EDC3: variants seen among roughly 807,000 people sequenced by gnomAD.
EDC3 encodes the protein enhancer of mRNA-decapping protein 3.
EDC3 carries 20 observed loss-of-function variants against 41.8 expected under a neutral mutation model. The observed-to-expected ratio is 0.48, with a 90% CI of 0.34 to 0.70. The LOEUF is 0.70. Among genes scored for constraint, EDC3 ranks in the 30% least tolerant of loss-of-function variants. The probability of loss-of-function intolerance (pLI) is 0.01; values close to 1 mark genes in which losing one functional copy is unlikely to be tolerated. For missense variants in EDC3, 444 were observed against 636.8 expected (o/e 0.70, Z 3.26); for synonymous variants, 206 against 243.2 (o/e 0.85, Z 1.42).
intron 1 of EDC3, among the ~76,000 whole-genome samples, chr15:74,691,782 C>T (rs951904099): frequency 6.6e-6 from 1 of 152,112 alleles, no homozygotes; most frequent in South Asian, 2.1e-4. Context: ...CACAACTACA[C>T]AAAAATACTT....
rs970775034 is a variant in EDC3 at position 74,632,596 on chromosome 15, C to T, written c.*16G>A. Reference sequence around the variant, plus strand: ...AGCAGCAGGGGACAGCAGAGTCCTGCCTGCGCAGGAACCCTCTAAGCAGAG... The same window carrying T: ...AGCAGCAGGGGACAGCAGAGTCCTGTCTGCGCAGGAACCCTCTAAGCAGAG... On this transcript the variant is annotated 3_prime_UTR_variant, in exon 7 of 7. Coordinates refer to ENST00000315127, the MANE Select transcript of EDC3 (RefSeq NM_025083.5). The surrounding 1 kb of genome is among the most constrained non-coding windows in gnomAD (Gnocchi z 4.0). 3 of 1,607,482 alleles carry T rather than the reference C, an allele frequency of 1.9e-6. No individual in the cohort carries two copies. The highest frequency in any genetic ancestry group is 2.6e-6 in the Non-Finnish European group (3 of 1,175,566).
At position 74,640,562 on chromosome 15, in the gene EDC3, A is replaced by G. The variant is rs767635922; in HGVS notation, c.878T>C (p.Val293Ala). The G allele has an allele frequency of 1.2e-6, 2 of 1,614,222 alleles. No homozygotes were observed. Among genetic ancestry groups the G allele is most frequent in the South Asian group, 1.1e-5 (1 of 91,084 alleles). Residue 293 changes from valine (V) to alanine (A), a missense_variant, in exon 5 of 7, where the codon GTG becomes GCG. Around this residue, in one of 3 missense-constraint regions of EDC3, gnomAD observed 242 missense variants for 363.8 expected, o/e 0.67. Coordinates refer to ENST00000315127, the MANE Select transcript of EDC3 (RefSeq NM_025083.5). ...AAGGGTCAGCCCATGCTTCTCAGCC[A>G]CGGACAACAGCTTTTTATGCAGCTC... ...SYELHKKLLS[V>A]AEKHGLTLER...
intron 1 of EDC3, among the ~76,000 whole-genome samples, chr15:74,690,741 G>A (rs753028413): frequency 2.6e-5 from 4 of 152,152 alleles, no homozygotes; most frequent in Non-Finnish European, 4.4e-5. Context: ...GAGGCCAGGA[G>A]TTTCAGACCA....
At chr15:74,687,960 T>C (rs1486525574) in intron 1 of EDC3, among the ~76,000 whole-genome samples, 1 of 152,228 alleles carries the variant, frequency 6.6e-6, no homozygotes, top group South Asian at 2.1e-4. Flanking sequence ...CAAGTTTATA[T>C]TATGGTAGTA....
intron 4 of EDC3, among the ~76,000 whole-genome samples, chr15:74,651,900 C>T (rs2062484819): frequency 6.6e-6 from 1 of 152,188 alleles, no homozygotes; most frequent in South Asian, 2.1e-4. Context: ...TCAGCCTAGC[C>T]TACCTTAAAC....
intron 4 of EDC3, among the ~76,000 whole-genome samples, chr15:74,652,406 T>G (rs752190442): frequency 4.0e-4 from 60 of 151,762 alleles, no homozygotes; most frequent in Non-Finnish European, 8.8e-5. Context: ...TTTTTTGTAT[T>G]TTTAGTAGAG....
chr15:74,633,123 T>C (rs1265327751), intron 6 of EDC3, among the ~76,000 whole-genome samples, 177 bp from the exon 7 acceptor site: 1 of 152,224 alleles, frequency 6.6e-6, no homozygotes, highest in Admixed American at 6.5e-5. Context: ...AGTTGCAAGC[T>C]GGCTGGGCTG....
At chr15:74,667,292 T>C (rs999089380) in intron 3 of EDC3, among the ~76,000 whole-genome samples, 1 of 152,078 alleles carries the variant, frequency 6.6e-6, no homozygotes, top group East Asian at 1.9e-4. Flanking sequence ...TAAATATGTA[T>C]ATATATGCTG....
intron 5 of EDC3, chr15:74,640,228 T>G (rs1016846281): frequency 2.0e-6 from 1 of 496,036 alleles, no homozygotes; most frequent in African/African-American, 2.0e-5. Context: ...ATGGCTGCTA[T>G]CAGGAGAGAG....
intron 1 of EDC3, among the ~76,000 whole-genome samples, chr15:74,681,130 GAAAGGC>G (rs2141668722): frequency 6.6e-6 from 1 of 152,250 alleles, no homozygotes; most frequent in Non-Finnish European, 1.5e-5. Context: ...AATTTACAAG[GAAAGGC>G]AAAGAAACTA....
At chr15:74,660,264 CATG>C (rs1285676032) in intron 3 of EDC3, among the ~76,000 whole-genome samples, 1 of 151,286 alleles carries the variant, frequency 6.6e-6, no homozygotes, top group African/African-American at 2.4e-5. Flanking sequence ...ACTAGCCAGG[CATG>C]GTGGTGTGCA....
intron 5 of EDC3, chr15:74,637,559 C>T (rs2062289133): frequency 6.6e-6 from 1 of 152,106 alleles, no homozygotes; most frequent in Non-Finnish European, 1.5e-5. Flanking sequence ...AGGCCTAAAT[C>T]AAAGAAAAAG....
At chr15:74,690,104 T>C (rs1003075455) in intron 1 of EDC3, among the ~76,000 whole-genome samples, 4 of 152,200 alleles carry the variant, frequency 2.6e-5, no homozygotes, top group African/African-American at 7.2e-5. Flanking sequence ...ATGTTAAATA[T>C]TTCAAAAAAA....
At chr15:74,685,409 A>T (rs991949453) in intron 1 of EDC3, among the ~76,000 whole-genome samples, 1 of 151,160 alleles carries the variant, frequency 6.6e-6, no homozygotes, top group Non-Finnish European at 1.5e-5. Context: ...TCTCAAAACA[A>T]AAAGTATATA....
intron 1 of EDC3, chr15:74,695,416 A>G (rs1352851243): frequency 6.6e-6 from 1 of 152,198 alleles, no homozygotes; most frequent in Non-Finnish European, 1.5e-5. Context: ...GGATTCGAAG[A>G]TGTGACCTGG....
At position 74,675,095 on chromosome 15, in the gene EDC3, C is replaced by T; in HGVS notation, c.30G>A (p.Val10=). MATDWLGSI[V]SINCGDSLGV... is the part of the protein sequence containing the mutation. ...CCAAGCTATCTCCACAATTGATGGACACAATACTTCCCAGCCAATCTGTAG... is the reference window on the plus strand; with the variant it reads ...CCAAGCTATCTCCACAATTGATGGATACAATACTTCCCAGCCAATCTGTAG... The change falls in exon 2 of 7, where the codon GTG becomes GTA. Residue 10 remains valine, a synonymous_variant. Coordinates refer to ENST00000315127, the MANE Select transcript of EDC3 (RefSeq NM_025083.5). 1 of 1,613,664 alleles carries T rather than the reference C, an allele frequency of 6.2e-7. No homozygotes were observed. The highest frequency in any genetic ancestry group is 1.3e-5 in the African/African-American group (1 of 75,050).
At chr15:74,649,073 T>G (rs1490257080) in intron 4 of EDC3, among the ~76,000 whole-genome samples, 2 of 146,804 alleles carry the variant, frequency 1.4e-5, no homozygotes, top group Non-Finnish European at 3.0e-5. Context: ...TTTTTTTTTT[T>G]TTTTTTTTTG....
chr15:74,648,663 A>C (rs2062444731), intron 4 of EDC3, among the ~76,000 whole-genome samples: 1 of 152,124 alleles, frequency 6.6e-6, no homozygotes, highest in South Asian at 2.1e-4. Context: ...ATAAATAGGA[A>C]CTCTAGTTCG....
chr15:74,656,281 G>A (rs757402050), intron 3 of EDC3, among the ~76,000 whole-genome samples: 12 of 152,030 alleles, frequency 7.9e-5, no homozygotes, highest in Non-Finnish European at 1.2e-4. Flanking sequence ...AGTGGCTCAC[G>A]CCTATAATCC....
Sources: gnomAD v4.1 joint callset for allele counts (sites outside exome capture counted in the v4.1 genomes callset) on GRCh38, gnomAD v4.1.1 for gene constraint, gnomAD v4.1.1 regional missense constraint, Gnocchi (gnomAD v3.1) non-coding constraint, MANE v1.5 for transcripts, NCBI Gene and HGNC (gene_info 2026-07-23, HGNC 2026-07-21) for gene names.